LRP1B: variants seen among roughly 807,000 people sequenced by gnomAD.
LRP1B encodes low-density lipoprotein receptor-related protein 1B.
In LRP1B, 217 loss-of-function variants were observed where a neutral mutation model predicts 556.6. The ratio of observed to expected loss-of-function variants is 0.39; its 90% CI spans 0.35 to 0.44. The LOEUF is 0.44. Among genes scored for constraint, LRP1B ranks in the 20% least tolerant of loss-of-function variants. The pLI, the probability that LRP1B is intolerant of heterozygous loss-of-function variation, is 1.00. For missense variants in LRP1B, 5,053 were observed against 5,620.8 expected (o/e 0.90, Z 3.23); for synonymous variants, 2,047 against 1,865.8 (o/e 1.10, Z -2.50).
At chr2:141,478,296 G>A (rs1357174780) in intron 3 of LRP1B, among the ~76,000 whole-genome samples, 2 of 152,072 alleles carry the variant, frequency 1.3e-5, no homozygotes, top group Admixed American at 1.3e-4. Flanking sequence ...TCAAATGTGT[G>A]TAATCATCTC....
chr2:141,829,783 C>T (rs1051898690), intron 1 of LRP1B, among the ~76,000 whole-genome samples: 2 of 151,874 alleles, frequency 1.3e-5, no homozygotes, highest in African/African-American at 4.8e-5. Flanking sequence ...CTATCTTCAA[C>T]GAAGTCTTAA....
intron 2 of LRP1B, among the ~76,000 whole-genome samples, chr2:141,554,821 C>G (rs762366099): frequency 6.6e-6 from 1 of 151,896 alleles, no homozygotes; most frequent in Non-Finnish European, 1.5e-5. Context: ...GTCCACAGAC[C>G]TGCAGCACCT....
intron 11 of LRP1B, among the ~76,000 whole-genome samples, chr2:141,036,110 G>T (rs550799473): frequency 2.0e-5 from 3 of 151,948 alleles, no homozygotes; most frequent in Non-Finnish European, 4.4e-5. Flanking sequence ...AAAAGCTTAG[G>T]TCTCAAGACA....
At chr2:141,644,185 A>C (rs951086137) in intron 2 of LRP1B, among the ~76,000 whole-genome samples, 1 of 152,012 alleles carries the variant, frequency 6.6e-6, no homozygotes, top group Admixed American at 6.6e-5. Flanking sequence ...TCCCCACCCA[A>C]ATCTCATCTT....
intron 2 of LRP1B, among the ~76,000 whole-genome samples, chr2:141,635,438 T>C (rs1280268166): frequency 1.3e-5 from 2 of 152,138 alleles, no homozygotes; most frequent in East Asian, 1.9e-4. Flanking sequence ...GTCTGCTGTA[T>C]TTTGCTTGAA....
intron 6 of LRP1B, among the ~76,000 whole-genome samples, chr2:141,209,817 C>T (rs186045996): frequency 5.3e-4 from 81 of 152,096 alleles, no homozygotes; most frequent in East Asian, 1.7e-3. Flanking sequence ...GACACAGACA[C>T]GGATGGAGGG....
At chr2:140,832,953 T>A (rs1196151094) in intron 31 of LRP1B, among the ~76,000 whole-genome samples, 2 of 152,258 alleles carry the variant, frequency 1.3e-5, no homozygotes, top group African/African-American at 2.4e-5. Flanking sequence ...TGATTTAATC[T>A]TTACATATTA....
chr2:141,302,124 G>A (rs1200443041), intron 3 of LRP1B, among the ~76,000 whole-genome samples: 1 of 152,030 alleles, frequency 6.6e-6, no homozygotes, highest in Non-Finnish European at 1.5e-5. Flanking sequence ...TATCTCCCAG[G>A]AAAATTAACT....
chr2:141,978,304 A>G (rs1275466590), intron 1 of LRP1B, among the ~76,000 whole-genome samples: 1 of 152,104 alleles, frequency 6.6e-6, no homozygotes, highest in African/African-American at 2.4e-5. Flanking sequence ...TCAGTAAATT[A>G]TATTGGAATG....
chr2:141,165,412 A>T (rs1680209562), intron 7 of LRP1B, among the ~76,000 whole-genome samples: 3 of 152,010 alleles, frequency 2.0e-5, no homozygotes, highest in Admixed American at 6.6e-5. Context: ...TCATTAAATA[A>T]CCATATGTAT....
chr2:140,432,226 C>A (rs1293915447), intron 66 of LRP1B, among the ~76,000 whole-genome samples: 1 of 152,164 alleles, frequency 6.6e-6, no homozygotes, highest in Non-Finnish European at 1.5e-5. Flanking sequence ...CACCAGAGAA[C>A]AACCCCCCTT....
rs139791522 is a variant in LRP1B, at chr2:141,705,570, C to T, written c.205+104709G>A. Among the ~76,000 whole-genome samples, 349 of 152,126 alleles carry T rather than the reference C, an allele frequency of 2.3e-3. 5 individuals carry two copies. The Middle Eastern group carries it at 0.034, about 15-fold the overall frequency. ...TGCTAGTGCTGTAAACATTATTCTA[C>T]GAATTCCTTTCATTTCCATGGTTAC... On this transcript the variant is annotated intron_variant, in intron 2 of 90. Coordinates refer to ENST00000389484, the MANE Select transcript of LRP1B (RefSeq NM_018557.3).
chr2:141,921,525 G>A (rs975126707), intron 1 of LRP1B, among the ~76,000 whole-genome samples: 2 of 151,902 alleles, frequency 1.3e-5, no homozygotes, highest in African/African-American at 4.8e-5. Context: ...TCTATGGAAT[G>A]TTCTACTTTG....
At position 140,688,460 on chromosome 2, in the gene LRP1B, TAAAAC is replaced by T. The variant is rs751922836; in HGVS notation, c.6799+11785_6799+11789del. 4.2e-4 allele frequency among the ~76,000 whole-genome samples: 41 copies of T among 97,722 alleles called. No individual in the cohort carries two copies. The South Asian group carries it at 4.7e-3, about 11-fold the overall frequency. The allele number at this position is 97,722 out of a possible 152,430, so 64.1% of individuals were successfully genotyped here. On this transcript the variant is annotated intron_variant, in intron 41 of 90. Transcript: ENST00000389484. ...ATTGGTTTTCAAGGAATATAACAGA[TAAAAC>T]AAAAAAAAGAAAATGAGTTTTACAA...
At chr2:141,255,737 A>T (rs1349153445) in intron 3 of LRP1B, among the ~76,000 whole-genome samples, 1 of 151,848 alleles carries the variant, frequency 6.6e-6, no homozygotes, top group Non-Finnish European at 1.5e-5. Context: ...TTCCAGATTT[A>T]TACTCCATTT....
intron 2 of LRP1B, among the ~76,000 whole-genome samples, chr2:141,716,946 T>C (rs766232389): frequency 7.4e-5 from 8 of 107,530 alleles, no homozygotes; most frequent in Non-Finnish European, 1.1e-4. Context: ...ACCCTCTGTA[T>C]TTTCTCCCCC....
chr2:141,984,118 G>C (rs2105100854), intron 1 of LRP1B, among the ~76,000 whole-genome samples: 1 of 152,174 alleles, frequency 6.6e-6, no homozygotes, highest in South Asian at 2.1e-4. Flanking sequence ...AGTGGCAGGT[G>C]ACAGATTGAC....
intron 7 of LRP1B, among the ~76,000 whole-genome samples, chr2:141,100,302 AG>A (rs1700427660): frequency 6.6e-6 from 1 of 152,208 alleles, no homozygotes; most frequent in Non-Finnish European, 1.5e-5. Context: ...TGTTGAATGG[AG>A]CTTTTCTTTG....
In LRP1B at chr2:140,659,511, C is replaced by T. The variant is rs745430964; in HGVS notation, c.6799+40739G>A. 5.3e-5 allele frequency among the ~76,000 whole-genome samples: 8 copies of T among 151,966 alleles called. 1 individual carries two copies. Among genetic ancestry groups the T allele is most frequent in the Non-Finnish European group, 8.8e-5 (6 of 67,924 alleles). On this transcript the variant is annotated intron_variant, in intron 41 of 90. Coordinates refer to ENST00000389484, the MANE Select transcript of LRP1B (RefSeq NM_018557.3). ...TTAATGTTTAACAGTTACCAAGATG[C>T]CCCTGGTACTCAGGAAATGCTGTAA...
Sources: gnomAD v4.1 joint callset for allele counts (sites outside exome capture counted in the v4.1 genomes callset) on GRCh38, gnomAD v4.1.1 for gene constraint, MANE v1.5 for transcripts, NCBI Gene and HGNC (gene_info 2026-07-23, HGNC 2026-07-21) for gene names.